The following PCDHGA1 variants were observed in gnomAD, a reference collection of about 807,000 sequenced individuals.
The protein encoded by PCDHGA1 is protocadherin gamma subfamily A, 1.
Under a neutral mutation model 58.0 loss-of-function variants are expected in PCDHGA1, and 32 were observed. That is an observed-to-expected ratio of 0.55 (90% CI 0.42 to 0.74). The LOEUF is 0.74. Ranked by LOEUF, PCDHGA1 falls within the 30% of genes least tolerant of loss-of-function variation. PCDHGA1 has a pLI of 0.00. For synonymous variants in PCDHGA1, 498 were observed against 501.1 expected (o/e 0.99, Z 0.08); for missense variants, 1,205 against 1,182.3 (o/e 1.02, Z -0.28).
chr5:141,419,196 A>G (rs2096342064), intron 1 of PCDHGA1: 1 of 1,613,994 alleles, frequency 6.2e-7, no homozygotes, highest in Middle Eastern at 1.6e-4. Context: ...ACTGACGTCA[A>G]TGACAACGCG....
intron 1 of PCDHGA1, chr5:141,366,063 C>G: frequency 6.2e-7 from 1 of 1,614,246 alleles, no homozygotes; most frequent in Non-Finnish European, 8.5e-7. Flanking sequence ...GTGGAGCTGG[C>G]GCCTCGCTCC....
At chr5:141,465,338 G>C (rs908157154) in intron 1 of PCDHGA1, among the ~76,000 whole-genome samples, 6 of 151,962 alleles carry the variant, frequency 3.9e-5, no homozygotes, top group Admixed American at 2.6e-4. Context: ...TTTTATATTG[G>C]TTACTGAAGA....
chr5:141,364,685 G>A (rs1451666874), intron 1 of PCDHGA1: 1 of 1,613,978 alleles, frequency 6.2e-7, no homozygotes, highest in South Asian at 1.1e-5. Flanking sequence ...AATTTATGGA[G>A]TAGAAGTAGA....
chr5:141,481,868 C>A (rs983373194), intron 1 of PCDHGA1, among the ~76,000 whole-genome samples: 4 of 147,412 alleles, frequency 2.7e-5, no homozygotes, highest in African/African-American at 1.0e-4. Flanking sequence ...GAGCCGAGAT[C>A]GCGCCACTGC....
At chr5:141,470,957 TCCTCCCACCTCAG>T (rs2099244488) in intron 1 of PCDHGA1, among the ~76,000 whole-genome samples, 1 of 152,026 alleles carries the variant, frequency 6.6e-6, no homozygotes, top group South Asian at 2.1e-4. Flanking sequence ...CCTCAAGTGA[TCCTCCCACCTCAG>T]CCTCCCAAAG....
chr5:141,374,994 C>T, intron 1 of PCDHGA1: 1 of 1,614,038 alleles, frequency 6.2e-7, no homozygotes, highest in Non-Finnish European at 8.5e-7. Context: ...ATTTCAACTT[C>T]TGCAAATCTA....
At chr5:141,425,110 C>T (rs1335909720) in intron 1 of PCDHGA1, among the ~76,000 whole-genome samples, 1 of 152,166 alleles carries the variant, frequency 6.6e-6, no homozygotes, top group East Asian at 1.9e-4. Context: ...CAGATGCCTA[C>T]ATTTTTCTTG....
chr5:141,450,071 A>G (rs1039802551), intron 1 of PCDHGA1, among the ~76,000 whole-genome samples: 3 of 139,286 alleles, frequency 2.2e-5, no homozygotes, highest in Non-Finnish European at 3.0e-5. Flanking sequence ...CAGTGGTATG[A>G]TCTTGGCTCA....
rs755254491 is a variant in PCDHGA1, at chr5:141,409,746, T to TCG, written c.2421+76645_2421+76646dup. On this transcript the variant is annotated intron_variant, in intron 1 of 3. Transcript: ENST00000517417. ...GTGAGCGCGCAGAGCGGGGTGGTGT[T>TCG]CGCGCAGCGCGCCTTTGATCACGAG... The TCG allele has an allele frequency of 3.1e-6, 5 of 1,613,024 alleles. No homozygotes were observed. The South Asian group carries it at 5.5e-5, about 18-fold the overall frequency.
chr5:141,397,039 A>G (rs2093467837), intron 1 of PCDHGA1, among the ~76,000 whole-genome samples: 1 of 152,236 alleles, frequency 6.6e-6, no homozygotes, highest in Non-Finnish European at 1.5e-5. Context: ...CCACAAATTT[A>G]TGTAAATGAA....
chr5:141,413,166 C>A (rs758193163), intron 1 of PCDHGA1: 3 of 1,590,396 alleles, frequency 1.9e-6, no homozygotes, highest in South Asian at 2.3e-5. Flanking sequence ...AATTCTGTAA[C>A]CAGACTACAA....
At chr5:141,410,480 G>A in intron 1 of PCDHGA1, 1 of 1,613,966 alleles carries the variant, frequency 6.2e-7, no homozygotes, top group Non-Finnish European at 8.5e-7. Context: ...TGCACATACG[G>A]GTACAAAAGA....
intron 1 of PCDHGA1, chr5:141,408,715 G>T: frequency 1.9e-6 from 3 of 1,612,078 alleles, no homozygotes; most frequent in Non-Finnish European, 2.5e-6. Flanking sequence ...AAGATTATAA[G>T]ATAAACTCTA....
intron 1 of PCDHGA1, chr5:141,382,742 A>G: frequency 1.7e-6 from 1 of 585,144 alleles, no homozygotes; most frequent in Non-Finnish European, 2.9e-6. Flanking sequence ...GAGAAACGAC[A>G]GATTGCGATA....
intron 1 of PCDHGA1, chr5:141,350,089 C>T (rs1286662794): frequency 4.4e-6 from 2 of 452,318 alleles, no homozygotes. Context: ...GCAGGAGCGT[C>T]AGGCAGGGTG....
At chr5:141,399,837 C>T in intron 1 of PCDHGA1, 4 of 1,613,130 alleles carry the variant, frequency 2.5e-6, no homozygotes, top group Non-Finnish European at 3.4e-6. Context: ...GCTCTGCGCT[C>T]TTCGATATGG....
intron 1 of PCDHGA1, chr5:141,422,371 C>A: frequency 6.4e-7 from 1 of 1,567,208 alleles, no homozygotes; most frequent in South Asian, 1.2e-5. Context: ...AGAAAATGGT[C>A]AAGTCTCCTG....
chr5:141,458,578 TG>T, intron 1 of PCDHGA1, among the ~76,000 whole-genome samples: 1 of 152,138 alleles, frequency 6.6e-6, no homozygotes. Context: ...TTTGTTTGTT[TG>T]TTTGTTTTGG....
intron 1 of PCDHGA1, chr5:141,340,283 A>C: frequency 6.2e-7 from 1 of 1,614,112 alleles, no homozygotes; most frequent in Non-Finnish European, 8.5e-7. Flanking sequence ...GGATGCTCAC[A>C]TTTTGCTCCA....
Sources: gnomAD v4.1 joint callset for allele counts (sites outside exome capture counted in the v4.1 genomes callset) on GRCh38, gnomAD v4.1.1 for gene constraint, MANE v1.5 for transcripts, NCBI Gene and HGNC (gene_info 2026-07-23, HGNC 2026-07-21) for gene names.